The following GRM7 variants were observed in gnomAD, a reference collection of about 807,000 sequenced individuals.
The protein encoded by GRM7 is glutamate metabotropic receptor 7.
A neutral mutation model predicts 84.5 loss-of-function variants in GRM7; 35 were observed. That is an observed-to-expected ratio of 0.41 (90% CI 0.32 to 0.55). The LOEUF (loss-of-function observed/expected upper bound fraction) is 0.55. GRM7 is among the 20% of genes least tolerant of loss of function. The pLI, the probability that GRM7 is intolerant of heterozygous loss-of-function variation, is 0.19. For synonymous variants in GRM7, 487 were observed against 455.1 expected (o/e 1.07, Z -0.89); for missense variants, 1,003 against 1,194.6 (o/e 0.84, Z 2.36).
intron 1 of GRM7, among the ~76,000 whole-genome samples, chr3:7,125,102 C>T (rs1327491316): frequency 6.6e-6 from 1 of 152,144 alleles, no homozygotes; most frequent in Non-Finnish European, 1.5e-5. Context: ...ACCATGCCCA[C>T]CTAAGTTTTG....
chr3:7,381,198 T>G (rs1288165367), intron 4 of GRM7, among the ~76,000 whole-genome samples: 2 of 152,254 alleles, frequency 1.3e-5, no homozygotes, highest in Non-Finnish European at 2.9e-5. Context: ...TTTTAAAATA[T>G]TTTTATTCTT....
chr3:7,730,087 C>A (rs1018984866), intron 9 of GRM7, among the ~76,000 whole-genome samples: 12 of 146,694 alleles, frequency 8.2e-5, no homozygotes, highest in East Asian at 6.9e-4. Context: ...GTTGGACAGG[C>A]TGGTTTCGAT....
At chr3:7,095,360 T>G (rs374049931) in intron 1 of GRM7, among the ~76,000 whole-genome samples, 1 of 152,160 alleles carries the variant, frequency 6.6e-6, no homozygotes, top group Non-Finnish European at 1.5e-5. Context: ...TTTTCAAGCA[T>G]CCCTCTTTGG....
rs915592534 is a variant in GRM7 at position 7,182,963 on chromosome 3, C to A, written c.736+36295C>A. On this transcript the variant is annotated intron_variant, in intron 2 of 9. Coordinates refer to ENST00000357716, the MANE Select transcript of GRM7 (RefSeq NM_000844.4). ...GAACTTTTAGTAGTTTTTGAGCAGA[C>A]TATACTCATAATGCAACTCATCACA... Among the ~76,000 whole-genome samples the A allele has an allele frequency of 8.9e-4, 123 of 138,350 alleles. 1 individual carries two copies. The highest frequency in any genetic ancestry group is 3.2e-3 in the African/African-American group (121 of 37,884). The allele number at this position is 138,350 out of a possible 152,430, so 90.8% of individuals were successfully genotyped here. A position where few individuals can be genotyped will look rare whatever the true frequency, so the allele number is the denominator to read the frequency against.
chr3:7,263,976 G>A (rs1698538358), intron 2 of GRM7, among the ~76,000 whole-genome samples: 1 of 152,122 alleles, frequency 6.6e-6, no homozygotes, highest in Non-Finnish European at 1.5e-5. Context: ...GTATGAGAGA[G>A]GCTGCATTGT....
Position 7,703,684 on chromosome 3 carries a change from C to T in GRM7, c.2698+23389C>T, listed in dbSNP as rs190496194. ...CCCATTTGCTTACTAGGCATAGGTG[C>T]TATACTGAGCATTTTACAAAGATAA... is the stretch of plus-strand genomic sequence containing the variant. On this transcript the variant is annotated intron_variant, in intron 9 of 9. Coordinates refer to ENST00000357716, the MANE Select transcript of GRM7 (RefSeq NM_000844.4). Among the ~76,000 whole-genome samples, 15 of 152,256 alleles carry T rather than the reference C, an allele frequency of 9.9e-5. No homozygotes were observed. The East Asian group carries it at 2.7e-3, about 27-fold the overall frequency.
At chr3:6,976,457 C>T (rs1694002122) in intron 1 of GRM7, among the ~76,000 whole-genome samples, 1 of 152,176 alleles carries the variant, frequency 6.6e-6, no homozygotes, top group Non-Finnish European at 1.5e-5. Context: ...CCCACTTTTC[C>T]AGGGACAGAG....
intron 2 of GRM7, among the ~76,000 whole-genome samples, chr3:7,191,817 A>C (rs1695720714): frequency 6.6e-6 from 1 of 151,942 alleles, no homozygotes; most frequent in African/African-American, 2.4e-5. Context: ...GATTCTACAA[A>C]TCTTTATGTG....
intron 1 of GRM7, among the ~76,000 whole-genome samples, chr3:6,952,476 A>G: frequency 6.6e-6 from 1 of 152,124 alleles, no homozygotes. Context: ...CTGTCCTATT[A>G]ATTCTGGCTG....
Position 6,861,526 on chromosome 3 carries a change from G to A in GRM7, c.138G>A (p.Glu46=), listed in dbSNP as rs1694754942. ...EMYAPHSIRI[E]GDVTLGGLFP... ...ACGCCCCGCACTCAATCCGGATCGA[G>A]GGGGACGTCACCCTCGGGGGGCTGT... The change falls in exon 1 of 10, where the codon GAG becomes GAA. Residue 46 remains glutamate (E), a synonymous_variant. Coordinates refer to ENST00000357716, the MANE Select transcript of GRM7 (RefSeq NM_000844.4). The surrounding 1 kb of genome is among the most constrained non-coding windows in gnomAD (Gnocchi z 6.4). The A allele has an allele frequency of 1.9e-6, 3 of 1,580,278 alleles. No individual in the cohort carries two copies. The highest frequency in any genetic ancestry group is 1.3e-5 in the African/African-American group (1 of 74,124).
rs1159824734 is a variant in GRM7, at chr3:7,068,144, C to G, written c.520-78308C>G. Among the ~76,000 whole-genome samples the G allele has an allele frequency of 6.1e-4, 93 of 151,882 alleles. 1 individual carries two copies. Among genetic ancestry groups the G allele is most frequent in the Non-Finnish European group, 2.2e-4 (15 of 67,946 alleles). ...AGATTGCATGGAAATGAAAAATAGACTTAGATGTGTTTTAAAATACTTAGA... is the reference window on the plus strand; with the variant it reads ...AGATTGCATGGAAATGAAAAATAGAGTTAGATGTGTTTTAAAATACTTAGA... On this transcript the variant is annotated intron_variant, in intron 1 of 9. Coordinates refer to ENST00000357716, the MANE Select transcript of GRM7 (RefSeq NM_000844.4).
At chr3:7,119,401 A>G (rs903435243) in intron 1 of GRM7, among the ~76,000 whole-genome samples, 2 of 152,102 alleles carry the variant, frequency 1.3e-5, no homozygotes, top group African/African-American at 4.8e-5. Flanking sequence ...TTGCTAGGTC[A>G]TTGCAGTTCA....
intron 9 of GRM7, among the ~76,000 whole-genome samples, chr3:7,686,971 A>G (rs1268204946): frequency 1.3e-5 from 2 of 152,188 alleles, no homozygotes; most frequent in African/African-American, 2.4e-5. Flanking sequence ...TCCATCTGTA[A>G]TTCAAAGTTG....
intron 2 of GRM7, among the ~76,000 whole-genome samples, chr3:7,232,324 A>G (rs917513022): frequency 3.9e-5 from 6 of 152,172 alleles, no homozygotes; most frequent in African/African-American, 9.7e-5. Context: ...TTGACAAAAC[A>G]TAGGTCAATG....
At chr3:7,544,899 G>A (rs900086808) in intron 7 of GRM7, among the ~76,000 whole-genome samples, 5 of 152,064 alleles carry the variant, frequency 3.3e-5, no homozygotes, top group Non-Finnish European at 5.9e-5. Flanking sequence ...AAAAATTTTC[G>A]AACCTCTAAA....
At chr3:7,669,981 G>T (rs562667886) in intron 8 of GRM7, among the ~76,000 whole-genome samples, 1 of 147,306 alleles carries the variant, frequency 6.8e-6, no homozygotes, top group East Asian at 1.9e-4. Flanking sequence ...TAGCAGAGGG[G>T]CGTAATGAGG....
intron 1 of GRM7, among the ~76,000 whole-genome samples, chr3:7,140,459 G>A (rs1358745316): frequency 6.6e-6 from 1 of 152,010 alleles, no homozygotes; most frequent in Non-Finnish European, 1.5e-5. Flanking sequence ...AAAGGATTTA[G>A]AGATGTGCTT....
chr3:7,308,747 T>G (rs1355750116), intron 4 of GRM7, among the ~76,000 whole-genome samples: 2 of 152,110 alleles, frequency 1.3e-5, no homozygotes, highest in African/African-American at 4.8e-5. Context: ...AACGAAGAAC[T>G]TTCAGGGCTT....
intron 5 of GRM7, among the ~76,000 whole-genome samples, chr3:7,424,809 A>G (rs1179503520): frequency 6.6e-6 from 1 of 152,192 alleles, no homozygotes; most frequent in East Asian, 1.9e-4. Context: ...GAAAATAATT[A>G]CAAGTTGTGA....
Sources: allele counts gnomAD v4.1 joint callset (sites outside exome capture counted in the v4.1 genomes callset), GRCh38; gene constraint gnomAD v4.1.1; non-coding constraint Gnocchi (gnomAD v3.1); transcripts MANE v1.5; gene names NCBI Gene and HGNC (gene_info 2026-07-23, HGNC 2026-07-21).